CNBD1: variants seen among roughly 807,000 people sequenced by gnomAD.
CNBD1 encodes the protein cyclic nucleotide binding domain containing 1.
In CNBD1, 71 loss-of-function variants were observed where a neutral mutation model predicts 54.4. The ratio of observed to expected loss-of-function variants is 1.30; its 90% CI spans 1.08 to 1.59. The LOEUF (loss-of-function observed/expected upper bound fraction) is 1.59, where lower values mean the gene tolerates loss of function less well. Among genes scored for constraint, CNBD1 ranks in the 40% most tolerant of loss-of-function variants. CNBD1 has a pLI of 0.00. For missense variants in CNBD1, 659 were observed against 518.0 expected, an observed-to-expected ratio of 1.27 and a Z score of -2.64; for synonymous variants, 182 against 170.7, an observed-to-expected ratio of 1.07 and a Z score of -0.51.
At position 87,138,908 on chromosome 8, in the gene CNBD1, A is replaced by G. The variant is rs17702232; in HGVS notation, c.432-67085A>G. 6.9e-3 allele frequency among the ~76,000 whole-genome samples: 1,046 copies of G among 152,342 alleles called. 10 individuals are homozygous for G. Among genetic ancestry groups the G allele is most frequent in the Non-Finnish European group, 0.012 (806 of 68,040 alleles). On this transcript the variant is annotated intron_variant, in intron 4 of 10. Transcript: ENST00000518476. Reference sequence around the variant, plus strand: ...GATGTACTTAAAAGGCAAATTAACTATGATATATTTTAGGAGGCTTTATTG... The same window carrying G: ...GATGTACTTAAAAGGCAAATTAACTGTGATATATTTTAGGAGGCTTTATTG...
At chr8:86,945,383 C>G (rs1014324619) in intron 4 of CNBD1, among the ~76,000 whole-genome samples, 1 of 152,144 alleles carries the variant, frequency 6.6e-6, no homozygotes, top group Non-Finnish European at 1.5e-5. Flanking sequence ...AGGAATGACT[C>G]AGAGGAATTG....
At chr8:86,945,209 G>A (rs145381590) in intron 4 of CNBD1, among the ~76,000 whole-genome samples, 9 of 152,286 alleles carry the variant, frequency 5.9e-5, no homozygotes, top group South Asian at 2.1e-4. Context: ...GGAGAAGAGA[G>A]GGACTTATAA....
intron 4 of CNBD1, among the ~76,000 whole-genome samples, chr8:87,121,041 G>A (rs1231793320): frequency 6.6e-6 from 1 of 151,786 alleles, no homozygotes; most frequent in African/African-American, 2.4e-5. Flanking sequence ...TTCATTGTGG[G>A]GAGGTTTTTA....
intron 6 of CNBD1, among the ~76,000 whole-genome samples, chr8:87,251,603 A>AT: frequency 6.6e-6 from 1 of 151,572 alleles, no homozygotes; most frequent in Non-Finnish European, 1.5e-5. Flanking sequence ...AAGAAAAAAA[A>AT]AAAAAAAGAA....
chr8:87,026,495 C>A (rs1476353279), intron 4 of CNBD1, among the ~76,000 whole-genome samples: 2 of 151,990 alleles, frequency 1.3e-5, no homozygotes, highest in African/African-American at 4.8e-5. Flanking sequence ...AAAATCTATT[C>A]TAAATTCTGC....
intron 4 of CNBD1, among the ~76,000 whole-genome samples, chr8:87,188,242 C>T (rs1416500070): frequency 2.0e-5 from 3 of 152,174 alleles, no homozygotes; most frequent in Non-Finnish European, 4.4e-5. Flanking sequence ...CGTCTCTCCA[C>T]TACTTTCCAT....
rs571123015 is a variant in CNBD1, at chr8:87,082,824, A to G, written c.432-123169A>G. Among the ~76,000 whole-genome samples the G allele has an allele frequency of 3.9e-5, 6 of 152,076 alleles. No individual in the cohort carries two copies. The South Asian group carries it at 6.2e-4, about 16-fold the overall frequency. On this transcript the variant is annotated intron_variant, in intron 4 of 10. Transcript: ENST00000518476. Reference sequence around the variant, plus strand: ...TTATTCTTTGGTTTTCTTTTTCTCAATTTAGGTCTCCTTTTGGATTGATTT... The same window carrying G: ...TTATTCTTTGGTTTTCTTTTTCTCAGTTTAGGTCTCCTTTTGGATTGATTT...
At chr8:87,035,320 C>T (rs1198764359) in intron 4 of CNBD1, among the ~76,000 whole-genome samples, 2 of 152,144 alleles carry the variant, frequency 1.3e-5, no homozygotes, top group Non-Finnish European at 2.9e-5. Context: ...GATAGTCTTA[C>T]ATTTCCTTTC....
chr8:87,424,832 G>T (rs905742421), intron 2 of CNBD1, among the ~76,000 whole-genome samples: 1 of 152,032 alleles, frequency 6.6e-6, no homozygotes, highest in Non-Finnish European at 1.5e-5. Flanking sequence ...TATCTTTGTG[G>T]CATTCTCTGT....
At chr8:86,979,242 T>C (rs1808412020) in intron 4 of CNBD1, among the ~76,000 whole-genome samples, 1 of 151,736 alleles carries the variant, frequency 6.6e-6, no homozygotes, top group African/African-American at 2.4e-5. Flanking sequence ...ATTTTCCTTT[T>C]TTAAAATTAA....
chr8:87,192,377 A>C (rs1813631721), intron 4 of CNBD1, among the ~76,000 whole-genome samples: 1 of 152,196 alleles, frequency 6.6e-6, no homozygotes, highest in Admixed American at 6.6e-5. Context: ...TCCTGCCCTA[A>C]CTCAATTAGC....
chr8:87,340,408 G>A (rs1048174848), intron 8 of CNBD1, among the ~76,000 whole-genome samples: 15 of 152,168 alleles, frequency 9.9e-5, no homozygotes, highest in African/African-American at 3.6e-4. Flanking sequence ...TATTTGGGAG[G>A]CATTGGGCTT....
At chr8:87,140,485 A>T (rs1812349958) in intron 4 of CNBD1, among the ~76,000 whole-genome samples, 1 of 152,170 alleles carries the variant, frequency 6.6e-6, no homozygotes, top group Non-Finnish European at 1.5e-5. Context: ...TTCAGCTTGC[A>T]GATGACTTCT....
At chr8:87,342,012 G>T (rs538280569) in intron 8 of CNBD1, among the ~76,000 whole-genome samples, 35 of 152,256 alleles carry the variant, frequency 2.3e-4, no homozygotes, top group African/African-American at 7.7e-4. Context: ...AGTGGCTCAC[G>T]CCTGTAATCC....
chr8:87,255,972 AATATATATATATAT>A (rs1164599078), intron 6 of CNBD1, among the ~76,000 whole-genome samples: 182 of 16,930 alleles, frequency 0.011, 6 homozygotes, highest in East Asian at 0.068. Context: ...TGCAGCTACA[AATATATATATATAT>A]ATATATATAT....
chr8:87,226,865 G>T (rs955019984), intron 5 of CNBD1, among the ~76,000 whole-genome samples: 1 of 151,176 alleles, frequency 6.6e-6, no homozygotes, highest in Non-Finnish European at 1.5e-5. Context: ...TTATTAATGT[G>T]TGGGAATCTG....
intron 4 of CNBD1, among the ~76,000 whole-genome samples, chr8:87,076,066 A>G (rs1415168809): frequency 6.6e-6 from 1 of 152,208 alleles, no homozygotes; most frequent in Admixed American, 6.5e-5. Context: ...AAGCAATTTC[A>G]ATTATGTTTC....
chr8:87,379,187 C>T (rs1333014404), intron 10 of CNBD1, among the ~76,000 whole-genome samples: 1 of 151,980 alleles, frequency 6.6e-6, no homozygotes, highest in African/African-American at 2.4e-5. Flanking sequence ...AGTTCCAACA[C>T]TATGTTGAAT....
chr8:86,987,910 T>C (rs4961007), intron 4 of CNBD1, among the ~76,000 whole-genome samples: 7,273 of 152,214 alleles, frequency 0.048, 327 homozygotes, highest in East Asian at 0.21. Flanking sequence ...TAGTATTTTG[T>C]TCAGAACTTT....
Sources: allele counts gnomAD v4.1 joint callset (sites outside exome capture counted in the v4.1 genomes callset), GRCh38; gene constraint gnomAD v4.1.1; transcripts MANE v1.5; gene names NCBI Gene and HGNC (gene_info 2026-07-23, HGNC 2026-07-21).